Variants in GNAL observed in about 807,000 individuals in gnomAD.
GNAL encodes the protein guanine nucleotide-binding protein G(olf) subunit alpha.
A neutral mutation model predicts 55.1 loss-of-function variants in GNAL; 18 were observed. The ratio of observed to expected loss-of-function variants is 0.33; its 90% CI spans 0.23 to 0.48. The LOEUF (loss-of-function observed/expected upper bound fraction) is 0.48, where lower values mean the gene tolerates loss of function less well. Ranked by LOEUF, GNAL falls within the 20% of genes least tolerant of loss-of-function variation. The probability of loss-of-function intolerance (pLI) is 0.99; values close to 1 mark genes in which losing one functional copy is unlikely to be tolerated. For missense variants in GNAL, 412 were observed against 614.1 expected (o/e 0.67, Z 3.48); for synonymous variants, 253 against 237.0 (o/e 1.07, Z -0.62).
chr18:11,707,684 C>T (rs1050766099), intron 1 of GNAL, among the ~76,000 whole-genome samples: 1 of 152,204 alleles, frequency 6.6e-6, no homozygotes, highest in Non-Finnish European at 1.5e-5. Flanking sequence ...ATTGACTTTT[C>T]CTCTTTACTT....
In GNAL at chr18:11,880,980, C is replaced by G; in HGVS notation, c.1231-9C>G. 2 of 1,613,544 alleles carry G rather than the reference C, an allele frequency of 1.2e-6. No individual in the cohort carries two copies. The highest frequency in any genetic ancestry group is 1.1e-5 in the South Asian group (1 of 90,966). On this transcript the variant is annotated splice_polypyrimidine_tract_variant and intron_variant, in intron 11 of 11. Transcript: ENST00000334049. ...CGCGCAGGGCTAGTGCACACGCTCT[C>G]TCTTGCAGAGGATCAGCACGGCCAC...
At chr18:11,807,365 G>T (rs2143546296) in intron 4 of GNAL, among the ~76,000 whole-genome samples, 1 of 152,306 alleles carries the variant, frequency 6.6e-6, no homozygotes, top group Middle Eastern at 3.4e-3. Context: ...CCAGATAGGA[G>T]GCTGTGGCCA....
At chr18:11,855,246 C>G (rs909600877) in intron 5 of GNAL, among the ~76,000 whole-genome samples, 5 of 152,062 alleles carry the variant, frequency 3.3e-5, no homozygotes, top group Non-Finnish European at 7.4e-5. Flanking sequence ...GGTCCCCTGG[C>G]TTCTTCACTG....
At chr18:11,787,411 G>A (rs2034089739) in intron 4 of GNAL, among the ~76,000 whole-genome samples, 1 of 152,134 alleles carries the variant, frequency 6.6e-6, no homozygotes, top group Admixed American at 6.5e-5. Context: ...GAGGTGGGCC[G>A]AAACAGTTCT....
In GNAL at chr18:11,753,690, C is replaced by T; in HGVS notation, c.504+8C>T. The T allele has an allele frequency of 6.3e-7, 1 of 1,581,440 alleles. No homozygotes were observed. The highest frequency in any genetic ancestry group is 8.7e-7 in the Non-Finnish European group (1 of 1,150,394). On this transcript the variant is annotated splice_region_variant and intron_variant, in intron 3 of 11. Coordinates refer to ENST00000334049, the MANE Select transcript of GNAL (RefSeq NM_182978.4). ...GTTAAAGATGCTATCGTGGTAAGGA[C>T]TTTTTTAAATGATTGTTTACTAGAA...
chr18:11,822,312 A>G (rs2035119419), intron 4 of GNAL, among the ~76,000 whole-genome samples: 1 of 152,116 alleles, frequency 6.6e-6, no homozygotes, highest in Non-Finnish European at 1.5e-5. Context: ...AAACAAACGA[A>G]CAAACAAATT....
chr18:11,749,214 T>TA (rs2032760065), intron 1 of GNAL, among the ~76,000 whole-genome samples: 1 of 150,976 alleles, frequency 6.6e-6, no homozygotes, highest in South Asian at 2.1e-4. Flanking sequence ...CACGTGTGAA[T>TA]ATATGTCTTT....
intron 4 of GNAL, among the ~76,000 whole-genome samples, chr18:11,764,523 TA>T (rs934078860): frequency 2.6e-5 from 4 of 152,052 alleles, no homozygotes; most frequent in African/African-American, 7.2e-5. Context: ...ATACCATGAT[TA>T]AAATAAAATA....
At chr18:11,771,167 G>A (rs1240819657) in intron 4 of GNAL, among the ~76,000 whole-genome samples, 10 of 149,828 alleles carry the variant, frequency 6.7e-5, no homozygotes, top group Admixed American at 5.3e-4. Flanking sequence ...ACAGTGAGCC[G>A]AAGTCGTGCC....
intron 6 of GNAL, among the ~76,000 whole-genome samples, chr18:11,863,815 G>A (rs2036200456): frequency 6.6e-6 from 1 of 152,196 alleles, no homozygotes; most frequent in Non-Finnish European, 1.5e-5. Flanking sequence ...AGTTCATAAG[G>A]CTGAAGACTT....
intron 7 of GNAL, among the ~76,000 whole-genome samples, chr18:11,866,824 C>T (rs1237941087): frequency 2.8e-4 from 40 of 140,802 alleles, no homozygotes; most frequent in Non-Finnish European, 1.5e-5. Flanking sequence ...TCAGAGAGGC[C>T]TGAGTGTCTG....
At position 11,865,769 on chromosome 18, in the gene GNAL, A is replaced by AG. The variant is rs1479940424; in HGVS notation, c.851+1163_851+1164insG. Among the ~76,000 whole-genome samples, 3 of 147,486 alleles carry AG rather than the reference A, an allele frequency of 2.0e-5. No individual in the cohort carries two copies. In the East Asian group the frequency reaches 5.8e-4, roughly 29 times the overall value. On this transcript the variant is annotated intron_variant, in intron 7 of 11. Coordinates refer to ENST00000334049, the MANE Select transcript of GNAL (RefSeq NM_182978.4). ...GACCCTGTCTCTAAAAAAAAAAAAA[A>AG]AAAAAAAGCATCCAAGCATCCCTCA... is the stretch of plus-strand genomic sequence containing the variant.
At chr18:11,765,178 G>A (rs940086738) in intron 4 of GNAL, among the ~76,000 whole-genome samples, 2 of 152,126 alleles carry the variant, frequency 1.3e-5, no homozygotes, top group Non-Finnish European at 2.9e-5. Flanking sequence ...CAAGAAATCG[G>A]GGCTTGAGCC....
chr18:11,748,231 T>C (rs1452424185), intron 1 of GNAL, among the ~76,000 whole-genome samples: 3 of 152,204 alleles, frequency 2.0e-5, no homozygotes, highest in Non-Finnish European at 4.4e-5. Context: ...GGAAAGTGCT[T>C]TTATGTTTTA....
In GNAL at chr18:11,830,463, T is replaced by G. The variant is rs187721324; in HGVS notation, c.722+5448T>G. ...TGAAGAAGGTAATAATTCTAAGACC[T>G]CTTAAAGTCATTTATTCCATGGCAG... On this transcript the variant is annotated intron_variant, in intron 5 of 11. Coordinates refer to ENST00000334049, the MANE Select transcript of GNAL (RefSeq NM_182978.4). 3.9e-5 allele frequency among the ~76,000 whole-genome samples: 6 copies of G among 152,064 alleles called. No individual in the cohort carries two copies. In the South Asian group the frequency reaches 6.2e-4, roughly 16 times the overall value.
chr18:11,875,081 A>G (rs964136046), intron 10 of GNAL, among the ~76,000 whole-genome samples: 1 of 152,194 alleles, frequency 6.6e-6, no homozygotes, highest in Non-Finnish European at 1.5e-5. Context: ...GCCTAGAGCT[A>G]GAGGGTCGGC....
chr18:11,817,529 G>A (rs577098699), intron 4 of GNAL, among the ~76,000 whole-genome samples: 2 of 152,144 alleles, frequency 1.3e-5, no homozygotes, highest in African/African-American at 4.8e-5. Context: ...CACGCTTCTT[G>A]CTAGGAAAGA....
At chr18:11,774,332 T>C (rs1437673423) in intron 4 of GNAL, among the ~76,000 whole-genome samples, 2 of 152,228 alleles carry the variant, frequency 1.3e-5, no homozygotes, top group East Asian at 3.9e-4. Flanking sequence ...ATGGGAAGAG[T>C]CAACAAATAC....
chr18:11,744,303 GAT>G (rs2032641565), intron 1 of GNAL, among the ~76,000 whole-genome samples: 1 of 152,118 alleles, frequency 6.6e-6, no homozygotes, highest in East Asian at 1.9e-4. Context: ...AAAAATAGAA[GAT>G]AAATTATTTC....
Sources: gnomAD v4.1 joint callset for allele counts (sites outside exome capture counted in the v4.1 genomes callset) on GRCh38, gnomAD v4.1.1 for gene constraint, MANE v1.5 for transcripts, NCBI Gene and HGNC (gene_info 2026-07-23, HGNC 2026-07-21) for gene names.